The following PGBD2 variants were observed in gnomAD, a reference collection of about 807,000 sequenced individuals.
PGBD2 encodes the protein piggyBac transposable element-derived protein 2.
PGBD2 carries 6 observed loss-of-function variants against 8.1 expected under a neutral mutation model. The ratio of observed to expected loss-of-function variants is 0.74; its 90% CI spans 0.40 to 1.46. PGBD2 has a LOEUF of 1.46. Ranked by LOEUF, PGBD2 falls within the 40% of genes most tolerant of loss-of-function variation. The pLI is 0.02. For synonymous variants in PGBD2, 318 were observed against 272.2 expected (o/e 1.17, Z -1.66); for missense variants, 802 against 739.0 (o/e 1.09, Z -0.99).
chr1:248,900,396 T>C, the PGBD2 span, among the ~76,000 whole-genome samples: 1 of 152,226 alleles, frequency 6.6e-6, no homozygotes, highest in Admixed American at 6.5e-5. Context: ...TTATCCACCA[T>C]GATCAAGTTG....
chr1:248,920,329 A>T (rs1470898863), downstream of PGBD2, among the ~76,000 whole-genome samples: 1 of 150,226 alleles, frequency 6.7e-6, no homozygotes, highest in Non-Finnish European at 1.5e-5. Flanking sequence ...TCCTGGTATG[A>T]GGTTCCCCTC....
chr1:248,881,515 T>C, the PGBD2 span, among the ~76,000 whole-genome samples: 1 of 152,240 alleles, frequency 6.6e-6, no homozygotes, highest in African/African-American at 2.4e-5. Flanking sequence ...TTGCTTTATT[T>C]ATTGGTTTGG....
chr1:248,928,486 A>G, the PGBD2 span, among the ~76,000 whole-genome samples: 2,514 of 152,302 alleles, frequency 0.017, 73 homozygotes, highest in African/African-American at 0.058. Flanking sequence ...TTCTGTTTCT[A>G]GCATGTATTT....
the PGBD2 span, among the ~76,000 whole-genome samples, chr1:248,880,235 T>G: frequency 6.6e-6 from 1 of 152,222 alleles, no homozygotes; most frequent in Non-Finnish European, 1.5e-5. Flanking sequence ...GTCTCCACCC[T>G]GGATGTATCC....
chr1:248,882,894 C>A, the PGBD2 span, among the ~76,000 whole-genome samples: 563 of 152,166 alleles, frequency 3.7e-3, 1 homozygote, highest in African/African-American at 0.012. Context: ...TCTTTTATTC[C>A]GTAGCAATAG....
At chr1:248,901,270 G>C (rs754536099), upstream of PGBD2, among the ~76,000 whole-genome samples, 24 of 151,830 alleles carry the variant, frequency 1.6e-4, no homozygotes, top group Non-Finnish European at 3.1e-4. Flanking sequence ...CCAAAAAAAA[G>C]TCCTAATAGC....
chr1:248,885,968 C>A, the PGBD2 span, among the ~76,000 whole-genome samples: 1 of 152,222 alleles, frequency 6.6e-6, no homozygotes, highest in African/African-American at 2.4e-5. Flanking sequence ...GTGAACTTTC[C>A]TACCCTGTCA....
chr1:248,916,343 G>A (rs1313000174), intron 2 of PGBD2, among the ~76,000 whole-genome samples: 1 of 152,136 alleles, frequency 6.6e-6, no homozygotes, highest in Non-Finnish European at 1.5e-5. Flanking sequence ...GAACCCAGGA[G>A]GCGGAGGTTG....
At chr1:248,893,428 T>A in the PGBD2 span, among the ~76,000 whole-genome samples, 7 of 152,314 alleles carry the variant, frequency 4.6e-5, no homozygotes, top group Non-Finnish European at 1.0e-4. Flanking sequence ...ACTTTTTATA[T>A]GTTTGACTAT....
the PGBD2 span, among the ~76,000 whole-genome samples, chr1:248,897,241 T>A: frequency 1.5e-5 from 2 of 131,690 alleles, no homozygotes; most frequent in Non-Finnish European, 3.0e-5. Context: ...CTTCCTTTGT[T>A]CCCCTCTACC....
In PGBD2 at chr1:248,917,409, C is replaced by T. The variant is rs1337030853; in HGVS notation, c.825C>T (p.Tyr275=). Residue 275 remains tyrosine (Y), a synonymous_variant, in exon 3 of 3, where the codon TAC becomes TAT. Coordinates refer to ENST00000329291, the MANE Select transcript of PGBD2 (RefSeq NM_170725.3). ...FYSFGESMCE[Y]FGHRGSKQLH... is the part of the protein sequence containing the mutation. ...GCTTTGGCGAGTCTATGTGTGAGTACTTTGGGCACCGGGGGTCCAAGCAGC... is the reference window on the plus strand; with the variant it reads ...GCTTTGGCGAGTCTATGTGTGAGTATTTTGGGCACCGGGGGTCCAAGCAGC... 9.9e-6 allele frequency: 16 copies of T among 1,613,966 alleles called. No individual in the cohort carries two copies. The highest frequency in any genetic ancestry group is 1.3e-5 in the African/African-American group (1 of 74,872).
At chr1:248,910,882 T>C (rs939913275) in intron 1 of PGBD2, among the ~76,000 whole-genome samples, 4 of 152,276 alleles carry the variant, frequency 2.6e-5, no homozygotes, top group African/African-American at 9.6e-5. Context: ...ATAATTGACA[T>C]GCAACAAACT....
chr1:248,891,486 G>C, the PGBD2 span, among the ~76,000 whole-genome samples: 1 of 152,190 alleles, frequency 6.6e-6, no homozygotes, highest in Non-Finnish European at 1.5e-5. Context: ...CTTAATAAGA[G>C]ATATATACTT....
At chr1:248,889,255 C>G in the PGBD2 span, among the ~76,000 whole-genome samples, 45 of 152,092 alleles carry the variant, frequency 3.0e-4, no homozygotes, top group Middle Eastern at 6.8e-3. Flanking sequence ...TGTGGTGGTG[C>G]GTGCCTGTAA....
At chr1:248,907,164 AG>A (rs1661677143) in intron 1 of PGBD2, among the ~76,000 whole-genome samples, 1 of 152,192 alleles carries the variant, frequency 6.6e-6, no homozygotes, top group Non-Finnish European at 1.5e-5. Flanking sequence ...AGGTCAGCAA[AG>A]AAACATGTGA....
At chr1:248,903,029 A>G (rs1661561127), upstream of PGBD2, among the ~76,000 whole-genome samples, 2 of 152,144 alleles carry the variant, frequency 1.3e-5, no homozygotes, top group African/African-American at 4.8e-5. Context: ...AGCTGAAGAA[A>G]AAACAAGTTT....
chr1:248,901,967 C>T (rs1313248034), upstream of PGBD2, among the ~76,000 whole-genome samples: 1 of 152,090 alleles, frequency 6.6e-6, no homozygotes, highest in Non-Finnish European at 1.5e-5. Context: ...TAGAGAAATG[C>T]AAATCAAAAC....
chr1:248,929,227 T>C, the PGBD2 span, among the ~76,000 whole-genome samples: 1 of 152,154 alleles, frequency 6.6e-6, no homozygotes, highest in African/African-American at 2.4e-5. Context: ...TCAGAACAAA[T>C]ATAACTGATC....
intron 1 of PGBD2, among the ~76,000 whole-genome samples, chr1:248,906,772 G>C (rs185327611): frequency 6.6e-6 from 1 of 152,046 alleles, no homozygotes; most frequent in Non-Finnish European, 1.5e-5. Flanking sequence ...CGCGCTGGGG[G>C]CGGGTCGTTT....
Sources: gnomAD v4.1 joint callset for allele counts (sites outside exome capture counted in the v4.1 genomes callset) on GRCh38, gnomAD v4.1.1 for gene constraint, MANE v1.5 for transcripts, NCBI Gene and HGNC (gene_info 2026-07-23, HGNC 2026-07-21) for gene names.